Variants in TDRD1 observed in about 807,000 individuals in gnomAD.
The protein encoded by TDRD1 is tudor domain-containing protein 1.
A neutral mutation model predicts 140.6 loss-of-function variants in TDRD1; 37 were observed. The observed-to-expected ratio is 0.26, with a 90% confidence interval of 0.20 to 0.35. The LOEUF (loss-of-function observed/expected upper bound fraction) is 0.35, where lower values mean the gene tolerates loss of function less well. Ranked by LOEUF, TDRD1 falls within the 10% of genes least tolerant of loss-of-function variation. The pLI, the probability that TDRD1 is intolerant of heterozygous loss-of-function variation, is 1.00. For missense variants in TDRD1, 1,243 were observed against 1,393.0 expected (o/e 0.89, Z 1.71); for synonymous variants, 506 against 475.7 (o/e 1.06, Z -0.83).
At chr10:114,211,758 C>A in intron 13 of TDRD1, 108 bp from the exon 14 acceptor site, 1 of 1,122,818 alleles carries the variant, frequency 8.9e-7, no homozygotes, top group Non-Finnish European at 1.2e-6. Flanking sequence ...AGCTTGATAT[C>A]TATTAAAGAA....
At chr10:114,202,113 A>C (rs1333196635) in intron 5 of TDRD1, 125 bp from the exon 6 acceptor site, 2 of 694,084 alleles carry the variant, frequency 2.9e-6, no homozygotes, top group Admixed American at 3.1e-5. Context: ...TACCACTGTG[A>C]TTCTGGAAGA....
At position 114,214,050 on chromosome 10, in the gene TDRD1, A is replaced by G. The variant is rs141875070; in HGVS notation, c.2148A>G (p.Val716=). ...TTGAACTTGGTGTTGACCAAACAGT[A>G]GATGTTGTGGTCTGTGTGATATATA... The change falls in exon 16 of 26, where the codon GTA becomes GTG. Residue 716 remains valine, a synonymous_variant. Transcript: ENST00000251864. 6.9e-4 allele frequency: 1,108 copies of G among 1,611,678 alleles called. 1 individual carries two copies. The highest frequency in any genetic ancestry group is 3.1e-3 in the Middle Eastern group (19 of 6,060).
chr10:114,229,676 G>A (rs1021848922), intron 25 of TDRD1, among the ~76,000 whole-genome samples: 3 of 149,990 alleles, frequency 2.0e-5, no homozygotes. Flanking sequence ...AGCCTCCCAA[G>A]TAGCTGGGAC....
At chr10:114,228,058 T>C (rs1336102036) in exon 25 of TDRD1, 1 of 1,609,442 alleles carries the variant, frequency 6.2e-7, no homozygotes, top group Admixed American at 1.7e-5. Flanking sequence ...ATGAACATAT[T>C]CTTCTCTTCC....
chr10:114,215,013 A>T (rs2035724516), intron 16 of TDRD1, among the ~76,000 whole-genome samples: 1 of 152,130 alleles, frequency 6.6e-6, no homozygotes, highest in Admixed American at 6.5e-5. Context: ...AAGTGCTGGG[A>T]TTACAGGTGT....
chr10:114,210,546 C>T (rs536212801), intron 11 of TDRD1, 35 bp from the exon 12 acceptor site: 1 of 1,527,166 alleles, frequency 6.5e-7, no homozygotes, highest in South Asian at 1.3e-5. Flanking sequence ...TGGATGAAAA[C>T]AAAATGGCTT....
At chr10:114,192,557 C>T (rs767615045) in intron 3 of TDRD1, among the ~76,000 whole-genome samples, 6 of 152,008 alleles carry the variant, frequency 3.9e-5, no homozygotes, top group Admixed American at 6.6e-5. Flanking sequence ...CCGCCTGCCT[C>T]GGCCTCGCAA....
At chr10:114,219,872 A>G (rs2133144509) in intron 18 of TDRD1, among the ~76,000 whole-genome samples, 1 of 152,298 alleles carries the variant, frequency 6.6e-6, no homozygotes, top group Non-Finnish European at 1.5e-5. Flanking sequence ...GATTACAGGC[A>G]TGAGCCACTG....
intron 3 of TDRD1, among the ~76,000 whole-genome samples, chr10:114,195,427 A>G (rs1564939568): frequency 6.6e-6 from 1 of 152,194 alleles, no homozygotes; most frequent in African/African-American, 2.4e-5. Context: ...AGAAGGTATT[A>G]AAGTCTCTAA....
upstream of TDRD1, among the ~76,000 whole-genome samples, chr10:114,179,073 C>G (rs2032805362): frequency 6.6e-6 from 1 of 152,222 alleles, no homozygotes. Context: ...TTCGAGGAGA[C>G]AAAGTCTGCA....
At chr10:114,209,055 T>A (rs1332448662) in intron 11 of TDRD1, among the ~76,000 whole-genome samples, 1 of 152,032 alleles carries the variant, frequency 6.6e-6, no homozygotes, top group Non-Finnish European at 1.5e-5. Flanking sequence ...GTGCTCTGAT[T>A]ACAAGCGTGA....
chr10:114,211,189 A>G (rs1259389333), intron 13 of TDRD1, among the ~76,000 whole-genome samples: 1 of 152,162 alleles, frequency 6.6e-6, no homozygotes, highest in African/African-American at 2.4e-5. Flanking sequence ...TGTGTCAAGG[A>G]GGTGGAGATA....
intron 18 of TDRD1, among the ~76,000 whole-genome samples, chr10:114,218,901 A>G (rs12781853): frequency 0.16 from 24,715 of 152,222 alleles, 2,177 homozygotes; most frequent in Middle Eastern, 0.21. Flanking sequence ...AGAGAAATCC[A>G]GGAATTGCAC....
exon 26 of TDRD1, chr10:114,231,649 C>A: frequency 1.6e-6 from 1 of 639,838 alleles, no homozygotes; most frequent in Non-Finnish European, 2.6e-6. Flanking sequence ...GCCTGCCATT[C>A]TCCTATTAGG....
rs1427413245 is a variant in TDRD1 at position 114,227,052 on chromosome 10, A to G, written c.3176-20A>G. The G allele has an allele frequency of 1.6e-6, 2 of 1,273,008 alleles. No individual in the cohort carries two copies. Among genetic ancestry groups the G allele is most frequent in the Non-Finnish European group, 2.2e-6 (2 of 890,922 alleles). The allele number at this position is 1,273,008 out of a possible 1,614,324, so 78.9% of individuals were successfully genotyped here. A position where few individuals can be genotyped will look rare whatever the true frequency, so the allele number is the denominator to read the frequency against. ...TCTTTTTAAAAGGGACTAAAAGACTATAATATCTATTTTTTCCAGGATTAA... is the reference window on the plus strand; with the variant it reads ...TCTTTTTAAAAGGGACTAAAAGACTGTAATATCTATTTTTTCCAGGATTAA... On this transcript the variant is annotated intron_variant, in intron 22 of 25. Transcript: ENST00000251864.
rs543345821 is a variant in TDRD1, at chr10:114,204,062, T to G, written c.982-11T>G. ...GTTATGAAGCAGAGTACCATTATATTTCACTTTCAGACCTGGAACAGAGCA... is the reference window on the plus strand; with the variant it reads ...GTTATGAAGCAGAGTACCATTATATGTCACTTTCAGACCTGGAACAGAGCA... On this transcript the variant is annotated splice_polypyrimidine_tract_variant and intron_variant, in intron 8 of 25. Transcript: ENST00000251864. The G allele has an allele frequency of 1.1e-5, 17 of 1,597,300 alleles. No homozygotes were observed. The East Asian group carries it at 3.8e-4, about 36-fold the overall frequency.
intron 3 of TDRD1, among the ~76,000 whole-genome samples, chr10:114,198,838 G>A (rs1230925620): frequency 1.3e-5 from 2 of 152,136 alleles, no homozygotes; most frequent in Non-Finnish European, 2.9e-5. Flanking sequence ...GGCTTTTCTT[G>A]TTGGAGCTTT....
chr10:114,184,148 A>G (rs1207499880), intron 1 of TDRD1, among the ~76,000 whole-genome samples: 1 of 151,590 alleles, frequency 6.6e-6, no homozygotes, highest in African/African-American at 2.4e-5. Flanking sequence ...TAGGCAGAAA[A>G]TGCATACTTA....
intron 11 of TDRD1, among the ~76,000 whole-genome samples, chr10:114,207,749 AGAGGGTACATGCTTCCAG>A (rs2035219564): frequency 1.3e-5 from 2 of 152,094 alleles, no homozygotes; most frequent in Admixed American, 1.3e-4. Context: ...CCAGAGCAAC[AGAGGGTACATGCTTCCAG>A]GAGGGGGAGT....
Sources: allele counts gnomAD v4.1 joint callset (sites outside exome capture counted in the v4.1 genomes callset), GRCh38; gene constraint gnomAD v4.1.1; transcripts MANE v1.5; gene names NCBI Gene and HGNC (gene_info 2026-07-23, HGNC 2026-07-21).